The following IPMK variants were observed in gnomAD, a reference collection of about 807,000 sequenced individuals.
The protein encoded by IPMK is inositol polyphosphate multikinase.
IPMK carries 17 observed loss-of-function variants against 45.8 expected under a neutral mutation model. That is an observed-to-expected ratio of 0.37 (90% CI 0.25 to 0.56). IPMK has a LOEUF of 0.56. Among genes scored for constraint, IPMK ranks in the 20% least tolerant of loss-of-function variants. The pLI, the probability that IPMK is intolerant of heterozygous loss-of-function variation, is 0.79. For missense variants in IPMK, 399 were observed against 498.0 expected, an observed-to-expected ratio of 0.80 and a Z score of 1.89; for synonymous variants, 180 against 184.3, an observed-to-expected ratio of 0.98 and a Z score of 0.19.
intron 1 of IPMK, among the ~76,000 whole-genome samples, chr10:58,252,146 C>G (rs1838889433): frequency 6.6e-6 from 1 of 152,050 alleles, no homozygotes; most frequent in Admixed American, 6.6e-5. Flanking sequence ...GTCTCTCTTA[C>G]AGTTTTTGGT....
intron 1 of IPMK, among the ~76,000 whole-genome samples, chr10:58,250,198 C>CT (rs2132173807): frequency 6.6e-6 from 1 of 152,132 alleles, no homozygotes; most frequent in South Asian, 2.1e-4. Flanking sequence ...AAATTTAGGA[C>CT]TTTTTTCTAT....
chr10:58,253,798 G>T (rs1838922584), intron 1 of IPMK, among the ~76,000 whole-genome samples: 1 of 150,378 alleles, frequency 6.6e-6, no homozygotes, highest in South Asian at 2.1e-4. Flanking sequence ...GGGTACAATA[G>T]TCTTGGAGGA....
chr10:58,256,453 C>A (rs1423962643), intron 1 of IPMK, among the ~76,000 whole-genome samples: 1 of 152,178 alleles, frequency 6.6e-6, no homozygotes, highest in Non-Finnish European at 1.5e-5. Context: ...AACCCTGTTT[C>A]CTGTTAAGAT....
intron 4 of IPMK, among the ~76,000 whole-genome samples, chr10:58,213,503 T>G (rs372876412): frequency 6.6e-4 from 101 of 151,968 alleles, no homozygotes; most frequent in African/African-American, 2.4e-3. Context: ...GCTAACATGG[T>G]GAAATCCCAT....
intron 3 of IPMK, 126 bp from the exon 4 acceptor site, chr10:58,216,443 T>A: frequency 2.2e-6 from 1 of 453,316 alleles, no homozygotes; most frequent in Non-Finnish European, 3.8e-6. Flanking sequence ...GTAAAGTCAA[T>A]AATTATTCTT....
At chr10:58,255,056 C>T (rs1838943985) in intron 1 of IPMK, among the ~76,000 whole-genome samples, 1 of 152,250 alleles carries the variant, frequency 6.6e-6, no homozygotes, top group African/African-American at 2.4e-5. Flanking sequence ...AGGGAAGGTT[C>T]CATGCAAGCA....
chr10:58,234,175 C>T (rs1838572571), intron 2 of IPMK, among the ~76,000 whole-genome samples: 1 of 152,106 alleles, frequency 6.6e-6, no homozygotes, highest in South Asian at 2.1e-4. Context: ...AGGACACAAA[C>T]AAAGGGAAGA....
chr10:58,212,959 T>A (rs1251262916), intron 4 of IPMK: 1 of 199,844 alleles, frequency 5.0e-6, no homozygotes, highest in Non-Finnish European at 1.1e-5. Context: ...GCACAGCCCA[T>A]CTGCAATCTC....
Position 58,193,351 on chromosome 10 carries a change from C to T in IPMK, c.*2725G>A, listed in dbSNP as rs186109311. On this transcript the variant is annotated 3_prime_UTR_variant, in exon 6 of 6. Coordinates refer to ENST00000373935, the MANE Select transcript of IPMK (RefSeq NM_152230.5). Reference sequence around the variant, plus strand: ...GTAGTGTAAAGAGGAAAAGTAAGTACAATCTTTCCAGACACACAACTAATA... The same window carrying T: ...GTAGTGTAAAGAGGAAAAGTAAGTATAATCTTTCCAGACACACAACTAATA... 75 of 151,948 alleles carry T rather than the reference C, an allele frequency of 4.9e-4. No individual in the cohort carries two copies. Among genetic ancestry groups the T allele is most frequent in the African/African-American group, 1.7e-3 (71 of 41,546 alleles). 9.4% of individuals were successfully genotyped at this position (151,948 alleles called of 1,614,324 possible).
At chr10:58,230,022 A>C (rs1838487020) in intron 2 of IPMK, among the ~76,000 whole-genome samples, 1 of 152,208 alleles carries the variant, frequency 6.6e-6, no homozygotes, top group Non-Finnish European at 1.5e-5. Context: ...TGCATGGCTC[A>C]GTGGGTCCCA....
intron 1 of IPMK, among the ~76,000 whole-genome samples, chr10:58,262,500 G>A (rs988381302): frequency 1.4e-4 from 21 of 152,126 alleles, no homozygotes; most frequent in African/African-American, 5.1e-4. Context: ...TAAAAATCAT[G>A]TCCATTGAAA....
intron 1 of IPMK, among the ~76,000 whole-genome samples, chr10:58,266,210 A>T (rs1356087291): frequency 6.7e-6 from 1 of 149,854 alleles, no homozygotes; most frequent in Non-Finnish European, 1.5e-5. Flanking sequence ...GCTATGAGAG[A>T]ATACAGATTC....
intron 2 of IPMK, among the ~76,000 whole-genome samples, chr10:58,235,442 T>C (rs1230756536): frequency 6.6e-6 from 1 of 152,108 alleles, no homozygotes; most frequent in Non-Finnish European, 1.5e-5. Context: ...ATAGACTGGA[T>C]TAAGAAAATG....
chr10:58,239,996 G>A (rs1160373411), intron 1 of IPMK, among the ~76,000 whole-genome samples: 1 of 152,070 alleles, frequency 6.6e-6, no homozygotes, highest in Non-Finnish European at 1.5e-5. Flanking sequence ...AAATGCCCTA[G>A]ATTCAAGAAA....
At position 58,216,136 on chromosome 10, in the gene IPMK, C is replaced by G. The variant is rs1229688214; in HGVS notation, c.546+9G>C. ...GAAATGTGCATATTATACTAATAAG[C>G]ACTCTTACCCTCATGCCAAGCACCA... On this transcript the variant is annotated intron_variant, in intron 4 of 5. Coordinates refer to ENST00000373935, the MANE Select transcript of IPMK (RefSeq NM_152230.5). 5 of 1,563,338 alleles carry G rather than the reference C, an allele frequency of 3.2e-6. No individual in the cohort carries two copies.
chr10:58,257,422 G>C (rs767534386), intron 1 of IPMK, among the ~76,000 whole-genome samples: 12 of 152,138 alleles, frequency 7.9e-5, no homozygotes, highest in African/African-American at 2.9e-4. Flanking sequence ...TTGAACTTGG[G>C]GGGCAGAGGT....
chr10:58,196,762 A>C (rs1320719845), intron 5 of IPMK, 64 bp from the exon 6 acceptor site: 1 of 1,117,540 alleles, frequency 8.9e-7, no homozygotes, highest in African/African-American at 1.6e-5. Flanking sequence ...TGGGAAGTAA[A>C]CTCATCACAG....
chr10:58,212,696 A>T, intron 4 of IPMK: 1 of 245,216 alleles, frequency 4.1e-6, no homozygotes. Flanking sequence ...TCTGTCGCAA[A>T]AGGTTTTACT....
At chr10:58,267,320 G>C (rs541157284) in intron 1 of IPMK, 102 bp downstream of exon 1, 25 of 1,158,148 alleles carry the variant, frequency 2.2e-5, no homozygotes, top group East Asian at 1.2e-4. Flanking sequence ...GTGCACACCA[G>C]GGGGGCGTCC....
Sources: gnomAD v4.1 joint callset for allele counts (sites outside exome capture counted in the v4.1 genomes callset) on GRCh38, gnomAD v4.1.1 for gene constraint, MANE v1.5 for transcripts, NCBI Gene and HGNC (gene_info 2026-07-23, HGNC 2026-07-21) for gene names.